Variants in TMEM116 observed in about 807,000 individuals in gnomAD.
TMEM116 encodes transmembrane protein 116.
In TMEM116, 38 loss-of-function variants were observed where a neutral mutation model predicts 44.3. The observed-to-expected ratio is 0.86, with a 90% CI of 0.66 to 1.12. The LOEUF (loss-of-function observed/expected upper bound fraction) is 1.12, where lower values mean the gene tolerates loss of function less well. Among genes scored for constraint, TMEM116 ranks in the 50% most tolerant of loss-of-function variants. TMEM116 has a pLI of 0.00. For synonymous variants in TMEM116, 132 were observed against 144.8 expected, an observed-to-expected ratio of 0.91 and a Z score of 0.64; for missense variants, 354 against 401.7, an observed-to-expected ratio of 0.88 and a Z score of 1.01.
intron 4 of TMEM116, among the ~76,000 whole-genome samples, chr12:111,982,050 G>C (rs1236612770): frequency 6.6e-6 from 1 of 152,058 alleles, no homozygotes; most frequent in African/African-American, 2.4e-5. Context: ...AAGCATACTG[G>C]GGATACATTG....
intron 4 of TMEM116, among the ~76,000 whole-genome samples, chr12:111,968,141 C>T (rs1297376203): frequency 6.6e-6 from 1 of 151,974 alleles, no homozygotes; most frequent in Admixed American, 6.6e-5. Flanking sequence ...TACTGACTGG[C>T]GCATGTGTCT....
intron 4 of TMEM116, among the ~76,000 whole-genome samples, chr12:111,956,185 T>C (rs1296167471): frequency 6.6e-6 from 1 of 152,216 alleles, no homozygotes; most frequent in African/African-American, 2.4e-5. Context: ...ATGGGTTTCC[T>C]ATAAAACTCT....
rs1327924941 is a variant in TMEM116, at chr12:111,960,436, G to C, written c.211-17067C>G. On this transcript the variant is annotated intron_variant, in intron 4 of 10. Transcript: ENST00000552374. Reference sequence around the variant, plus strand: ...GAACCCGGGAGGCAGAGCTTGCAGTGAGCCGAGATTGCACCACTGTACTCC... The same window carrying C: ...GAACCCGGGAGGCAGAGCTTGCAGTCAGCCGAGATTGCACCACTGTACTCC... 4.2e-5 allele frequency among the ~76,000 whole-genome samples: 6 copies of C among 141,704 alleles called. No individual in the cohort carries two copies. In the East Asian group the frequency reaches 1.3e-3, roughly 31 times the overall value. 93.0% of individuals were successfully genotyped at this position (141,704 alleles called of 152,430 possible).
Position 111,933,934 on chromosome 12 carries a change from G to A in TMEM116, c.685C>T (p.Gln229Ter). 6.2e-7 allele frequency: 1 copy of A among 1,614,086 alleles called. No homozygotes were observed. Among genetic ancestry groups the A allele is most frequent in the Non-Finnish European group, 8.5e-7 (1 of 1,180,024 alleles). ...GCCACTGGGTAGAAGCGCACCCGTTGGTCCACAATGTGAATCACTGCCCAC... is the reference window on the plus strand; with the variant it reads ...GCCACTGGGTAGAAGCGCACCCGTTAGTCCACAATGTGAATCACTGCCCAC... The part of the protein sequence containing the change: ...EQWAVIHIVD[Q>*]RVRFYPVAFF... Residue 229 changes from glutamine (Q) to a stop codon, truncating the protein, a stop_gained, in exon 9 of 11, where the codon CAA becomes TAA. Transcript: ENST00000552374. LOFTEE classifies it high-confidence loss of function.
rs139617530 is a variant in TMEM116 at position 111,931,786 on chromosome 12, T to C, written c.849A>G (p.Val283=). ...GGAATTTGTGCTGCGTCCAGCCATATACTCCACAGTTGAGTAGACCCTGAG... is the reference window on the plus strand; with the variant it reads ...GGAATTTGTGCTGCGTCCAGCCATACACTCCACAGTTGAGTAGACCCTGAG... ...ATSQGLLNCG[V]YGWTQHKFHQ... The change falls in exon 11 of 11, where the codon GTA becomes GTG. Residue 283 remains valine (V), a synonymous_variant. Coordinates refer to ENST00000552374, the MANE Select transcript of TMEM116 (RefSeq NM_001193531.2). The C allele has an allele frequency of 1.3e-5, 20 of 1,583,454 alleles. No individual in the cohort carries two copies. The highest frequency in any genetic ancestry group is 1.6e-5 in the Non-Finnish European group (19 of 1,165,916).
Position 111,931,776 on chromosome 12 carries a change from T to C in TMEM116, c.859A>G (p.Thr287Ala). The C allele has an allele frequency of 6.3e-7, 1 of 1,596,616 alleles. No homozygotes were observed. Among genetic ancestry groups the C allele is most frequent in the Non-Finnish European group, 8.5e-7 (1 of 1,171,726 alleles). ...TTTAGTTGGTGGAATTTGTGCTGCG[T>C]CCAGCCATATACTCCACAGTTGAGT... ...GLLNCGVYGW[T>A]QHKFHQLKQE... is the part of the protein sequence containing the mutation. Residue 287 changes from threonine (T) to alanine (A), a missense_variant, in exon 11 of 11, where the codon ACG becomes GCG. Coordinates refer to ENST00000552374, the MANE Select transcript of TMEM116 (RefSeq NM_001193531.2).
chr12:111,976,423 TG>T (rs1446584921), intron 4 of TMEM116, among the ~76,000 whole-genome samples: 1 of 152,056 alleles, frequency 6.6e-6, no homozygotes, highest in East Asian at 1.9e-4. Context: ...GAGGTTGCAG[TG>T]AGCCGAGATT....
At chr12:111,953,187 C>G (rs1325937946) in intron 4 of TMEM116, among the ~76,000 whole-genome samples, 1 of 152,134 alleles carries the variant, frequency 6.6e-6, no homozygotes, top group Non-Finnish European at 1.5e-5. Context: ...GGTAGACTTA[C>G]CCTGTGAGCC....
At chr12:111,965,705 C>T (rs1347809300) in intron 4 of TMEM116, 3 of 401,384 alleles carry the variant, frequency 7.5e-6, no homozygotes, top group African/African-American at 2.1e-5. Flanking sequence ...CGGTGAATCA[C>T]TTGAGGTCAG....
chr12:111,970,705 G>A (rs1432824987), intron 4 of TMEM116, among the ~76,000 whole-genome samples: 3 of 151,144 alleles, frequency 2.0e-5, no homozygotes, highest in Non-Finnish European at 2.9e-5. Context: ...TCCTGCCTCA[G>A]CCTCCTGAGT....
chr12:111,981,757 A>G (rs1206742209), intron 4 of TMEM116, among the ~76,000 whole-genome samples: 1 of 152,240 alleles, frequency 6.6e-6, no homozygotes, highest in African/African-American at 2.4e-5. Context: ...CAGTATTCAT[A>G]ATAGCCAAGA....
chr12:111,932,736 G>A, intron 9 of TMEM116, 77 bp from the exon 10 acceptor site: 5 of 1,130,300 alleles, frequency 4.4e-6, no homozygotes, highest in Non-Finnish European at 6.7e-6. Context: ...ACACGTCTGA[G>A]CATTATCAGA....
intron 8 of TMEM116, 143 bp downstream of exon 8, chr12:111,936,549 T>C (rs1171652830): frequency 1.3e-6 from 1 of 794,912 alleles, no homozygotes; most frequent in Admixed American, 3.5e-5. Flanking sequence ...AGTAATTATA[T>C]TGTCAAGATC....
rs530248992 is a variant in TMEM116 at position 111,931,658 on chromosome 12, G to A, written c.977C>T (p.Thr326Ile). 9.3e-6 allele frequency: 15 copies of A among 1,614,186 alleles called. 1 individual carries two copies. The African/African-American group carries it at 9.3e-5, about 10-fold the overall frequency. The change falls in exon 11 of 11, where the codon ACC becomes ATC. Residue 326 changes from threonine (T) to isoleucine (I), a missense_variant. Thr to Ile is a moderately conservative substitution (Grantham distance 89, BLOSUM62 -1). Transcript: ENST00000552374. ...AGAAGTACTGGCAGGAAAAGTCAGG[G>A]TGGATTCCAGTGAATTTAAGCCCCT... ...YSRGLNSLES[T>I]LTFPASTSTI...
chr12:112,003,392 C>A (rs2077383848), intron 3 of TMEM116, among the ~76,000 whole-genome samples: 1 of 152,072 alleles, frequency 6.6e-6, no homozygotes, highest in Non-Finnish European at 1.5e-5. Flanking sequence ...CACGGTGAAA[C>A]CCTGTCTCTA....
At chr12:111,984,695 T>C (rs2076129887) in intron 4 of TMEM116, among the ~76,000 whole-genome samples, 2 of 152,140 alleles carry the variant, frequency 1.3e-5, no homozygotes, top group Non-Finnish European at 2.9e-5. Context: ...TATAACTGTA[T>C]TGCTTATAGC....
intron 4 of TMEM116, chr12:111,965,785 C>A: frequency 8.4e-6 from 3 of 359,184 alleles, no homozygotes; most frequent in Non-Finnish European, 1.1e-5. Context: ...CAAAAATTAG[C>A]CTTAGCCAGG....
At chr12:111,945,766 C>T (rs1224751976) in intron 4 of TMEM116, among the ~76,000 whole-genome samples, 2 of 152,068 alleles carry the variant, frequency 1.3e-5, no homozygotes, top group East Asian at 3.9e-4. Flanking sequence ...TACAGATAGT[C>T]CCTAACTTTA....
chr12:111,948,865 G>C (rs1227635105), intron 4 of TMEM116, among the ~76,000 whole-genome samples: 1 of 151,986 alleles, frequency 6.6e-6, no homozygotes, highest in Non-Finnish European at 1.5e-5. Flanking sequence ...GATCACTTGA[G>C]GCTAGGAGTT....
Sources: gnomAD v4.1 joint callset for allele counts (sites outside exome capture counted in the v4.1 genomes callset) on GRCh38, gnomAD v4.1.1 for gene constraint, MANE v1.5 for transcripts, NCBI Gene and HGNC (gene_info 2026-07-23, HGNC 2026-07-21) for gene names.